Variants in COL5A2 observed in about 807,000 individuals in gnomAD.
COL5A2 encodes the protein collagen type V alpha 2 chain.
In COL5A2, 23 loss-of-function variants were observed where a neutral mutation model predicts 208.2. That is an observed-to-expected ratio of 0.11 (90% CI 0.08 to 0.16). The LOEUF is 0.16. COL5A2 is among the 10% of genes least tolerant of loss of function. The probability of loss-of-function intolerance (pLI) is 1.00; values close to 1 mark genes in which losing one functional copy is unlikely to be tolerated. For synonymous variants in COL5A2, 625 were observed against 628.5 expected, an observed-to-expected ratio of 0.99 and a Z score of 0.08; for missense variants, 1,590 against 1,956.4, an observed-to-expected ratio of 0.81 and a Z score of 3.53.
chr2:189,048,329 C>A, intron 44 of COL5A2, 67 bp from the exon 45 acceptor site: 1 of 1,397,796 alleles, frequency 7.2e-7, no homozygotes, highest in South Asian at 1.2e-5. Flanking sequence ...TTCCAATTGT[C>A]AAAAAATGAC....
At chr2:189,370,452 C>T in the COL5A2 span, among the ~76,000 whole-genome samples, 5,532 of 152,190 alleles carry the variant, frequency 0.036, 113 homozygotes, top group Admixed American at 0.05. Context: ...ATAAACTTGT[C>T]ATAACAGCAA....
Position 189,048,547 on chromosome 2 carries a change from C to T in COL5A2, c.3148-285G>A, listed in dbSNP as rs12693527. ...GAAATAGATAACAATTACATTCTTG[C>T]CACTTTATGTTTTGCTTGTATTAAC... On this transcript the variant is annotated intron_variant, in intron 44 of 53. Transcript: ENST00000374866. Among the ~76,000 whole-genome samples the T allele has an allele frequency of 0.7, 107,086 of 152,130 alleles. 38,642 individuals are homozygous for T. The highest frequency in any genetic ancestry group is 0.8 in the Non-Finnish European group (54,330 of 68,010).
chr2:189,276,873 A>G, the COL5A2 span, among the ~76,000 whole-genome samples: 1 of 152,076 alleles, frequency 6.6e-6, no homozygotes, highest in African/African-American at 2.4e-5. Flanking sequence ...TTCCTGCTCA[A>G]TTGCCATAAA....
At chr2:189,308,232 C>T in the COL5A2 span, among the ~76,000 whole-genome samples, 1 of 144,106 alleles carries the variant, frequency 6.9e-6, no homozygotes, top group Non-Finnish European at 1.5e-5. Flanking sequence ...AAGGGCATTC[C>T]AAAATAAACC....
At chr2:189,393,325 A>G in the COL5A2 span, among the ~76,000 whole-genome samples, 2 of 152,148 alleles carry the variant, frequency 1.3e-5, no homozygotes, top group African/African-American at 2.4e-5. Flanking sequence ...AAGAAAACTA[A>G]TAACTAAATT....
At chr2:189,415,942 G>A in the COL5A2 span, among the ~76,000 whole-genome samples, 6 of 152,300 alleles carry the variant, frequency 3.9e-5, no homozygotes, top group East Asian at 1.9e-4. Context: ...TTACAGGCGT[G>A]AGCCACTGCA....
chr2:189,067,932 A>G, intron 21 of COL5A2, 83 bp downstream of exon 21: 2 of 1,124,972 alleles, frequency 1.8e-6, no homozygotes, highest in Non-Finnish European at 2.7e-6. Context: ...TCTATGTTTC[A>G]TTGCATCACA....
chr2:189,048,789 T>C (rs778143097), intron 44 of COL5A2, among the ~76,000 whole-genome samples: 79 of 152,184 alleles, frequency 5.2e-4, no homozygotes, highest in Non-Finnish European at 1.0e-3. Flanking sequence ...CATTAACTGT[T>C]TGATGATTCA....
intron 30 of COL5A2, 67 bp from the exon 31 acceptor site, chr2:189,060,850 G>C (rs1686014949): frequency 2.5e-6 from 3 of 1,184,902 alleles, no homozygotes; most frequent in Non-Finnish European, 3.8e-6. Flanking sequence ...AGTGTTAACA[G>C]TTTACCTTTT....
chr2:189,299,514 C>T, the COL5A2 span, among the ~76,000 whole-genome samples: 2 of 152,094 alleles, frequency 1.3e-5, no homozygotes, highest in Non-Finnish European at 2.9e-5. Context: ...GTGGGGCAAA[C>T]ATATTTTAAT....
chr2:189,294,962 T>G, the COL5A2 span, among the ~76,000 whole-genome samples: 1 of 152,092 alleles, frequency 6.6e-6, no homozygotes, highest in African/African-American at 2.4e-5. Flanking sequence ...CATACCACCA[T>G]GCCTAGCTAA....
rs138457003 is a variant in COL5A2, at chr2:189,057,323, G to A, written c.2334C>T (p.Asp778=). 59 of 1,083,642 alleles carry A rather than the reference G, an allele frequency of 5.4e-5. No individual in the cohort carries two copies. Among genetic ancestry groups the A allele is most frequent in the Non-Finnish European group, 7.5e-5 (54 of 723,072 alleles). The allele number at this position is 1,083,642 out of a possible 1,614,324, so 67.1% of individuals were successfully genotyped here. ...GIAGTPGPKG[D]RGGIGEKGAE... Reference sequence around the variant, plus strand: ...AAAAAAAAAAAAAAGGACTTACTCTGTCACCCTTGGGGCCAGGAGTTCCTG... The same window carrying A: ...AAAAAAAAAAAAAAGGACTTACTCTATCACCCTTGGGGCCAGGAGTTCCTG... The change falls in exon 34 of 54, where the codon GAC becomes GAT. Residue 778 remains aspartate, a synonymous_variant. Coordinates refer to ENST00000374866, the MANE Select transcript of COL5A2 (RefSeq NM_000393.5).
At chr2:189,228,581 A>G (rs1689446049), upstream of COL5A2, among the ~76,000 whole-genome samples, 1 of 151,866 alleles carries the variant, frequency 6.6e-6, no homozygotes, top group Non-Finnish European at 1.5e-5. Context: ...ATAAATTCCT[A>G]GAAACATATA....
chr2:189,090,618 G>C (rs1686764484), intron 7 of COL5A2, among the ~76,000 whole-genome samples: 1 of 152,154 alleles, frequency 6.6e-6, no homozygotes, highest in South Asian at 2.1e-4. Context: ...TTATTCTCTT[G>C]TTAGGGGTTA....
chr2:189,102,333 G>A (rs1166996213), intron 3 of COL5A2, among the ~76,000 whole-genome samples: 1 of 151,984 alleles, frequency 6.6e-6, no homozygotes, highest in African/African-American at 2.4e-5. Context: ...TTTGATATAT[G>A]ACTGTTCTGT....
At chr2:189,211,743 C>G (rs563778500) in intron 1 of COL5A2, among the ~76,000 whole-genome samples, 20 of 152,136 alleles carry the variant, frequency 1.3e-4, no homozygotes, top group African/African-American at 4.8e-4. Flanking sequence ...GGGGAGGGAG[C>G]CTGTGAAGAT....
chr2:189,305,439 C>T, the COL5A2 span, among the ~76,000 whole-genome samples: 2 of 152,280 alleles, frequency 1.3e-5, no homozygotes, highest in South Asian at 2.1e-4. Context: ...ACAATATATT[C>T]GGCCCTTTGG....
intron 6 of COL5A2, among the ~76,000 whole-genome samples, chr2:189,096,605 G>C (rs1255994623): frequency 7.3e-6 from 1 of 137,698 alleles, no homozygotes; most frequent in Non-Finnish European, 1.5e-5. Context: ...CTGGGTGACA[G>C]AGCGAGACTC....
chr2:189,316,698 T>G, the COL5A2 span, among the ~76,000 whole-genome samples: 1 of 151,734 alleles, frequency 6.6e-6, no homozygotes, highest in Non-Finnish European at 1.5e-5. Context: ...ATGACACAAG[T>G]TCACCTGTAT....
Sources: gnomAD v4.1 joint callset for allele counts (sites outside exome capture counted in the v4.1 genomes callset) on GRCh38, gnomAD v4.1.1 for gene constraint, MANE v1.5 for transcripts, NCBI Gene and HGNC (gene_info 2026-07-23, HGNC 2026-07-21) for gene names.